The following SYN3 variants were observed in gnomAD, a reference collection of about 807,000 sequenced individuals.
SYN3 encodes the protein synapsin-3.
In SYN3, 35 loss-of-function variants were observed where a neutral mutation model predicts 65.8. The observed-to-expected ratio is 0.53, with a 90% CI of 0.41 to 0.70. SYN3 has a LOEUF of 0.70. Among genes scored for constraint, SYN3 ranks in the 30% least tolerant of loss-of-function variants. SYN3 has a pLI of 0.00. For synonymous variants in SYN3, 270 were observed against 292.9 expected (o/e 0.92, Z 0.80); for missense variants, 680 against 749.0 (o/e 0.91, Z 1.08).
At chr22:32,996,155 C>G (rs2052873656) in intron 2 of SYN3, among the ~76,000 whole-genome samples, 3 of 152,270 alleles carry the variant, frequency 2.0e-5, no homozygotes, top group African/African-American at 2.4e-5. Context: ...GCAAGAGTAT[C>G]CATTCATTCC....
intron 6 of SYN3, chr22:32,785,029 T>C (rs1442948962): frequency 6.6e-6 from 1 of 152,086 alleles, no homozygotes; most frequent in Non-Finnish European, 1.5e-5. Context: ...TCTGTTTTCC[T>C]TCCTAATTCT....
intron 6 of SYN3, among the ~76,000 whole-genome samples, chr22:32,599,353 G>T (rs186444317): frequency 6.7e-6 from 1 of 149,832 alleles, no homozygotes; most frequent in Admixed American, 6.7e-5. Flanking sequence ...GCAGAGTCTC[G>T]CTTTGTCGCT....
chr22:32,812,272 G>T (rs965132109), intron 6 of SYN3, among the ~76,000 whole-genome samples: 1 of 152,174 alleles, frequency 6.6e-6, no homozygotes, highest in African/African-American at 2.4e-5. Flanking sequence ...AGGTAACTTT[G>T]TTAGAAATAT....
At chr22:32,586,032 A>ATG in intron 7 of SYN3, among the ~76,000 whole-genome samples, 1 of 102,080 alleles carries the variant, frequency 9.8e-6, no homozygotes, top group African/African-American at 5.9e-5. Context: ...GTATGTATGT[A>ATG]TATATGTATA....
intron 2 of SYN3, among the ~76,000 whole-genome samples, chr22:32,992,979 C>CTTT (rs759774633): frequency 7.9e-5 from 12 of 152,168 alleles, no homozygotes; most frequent in Non-Finnish European, 1.8e-4. Context: ...AGCAAGCCTT[C>CTTT]TTTTTGTGCA....
intron 6 of SYN3, among the ~76,000 whole-genome samples, chr22:32,705,242 G>C (rs1282456883): frequency 6.6e-6 from 1 of 152,136 alleles, no homozygotes; most frequent in African/African-American, 2.4e-5. Context: ...TATGGTGTAA[G>C]GAAGGGGTCC....
Position 32,577,510 on chromosome 22 carries a change from CACTT to C in SYN3, c.774+19160_774+19163del, listed in dbSNP as rs367954285. On this transcript the variant is annotated intron_variant, in intron 7 of 13. Transcript: ENST00000358763. ...GTTGTCTAAGTACAGCGTCTACACA[CACTT>C]ACATGTTTTTTTGATAAATGAAAAT... 7.4e-4 allele frequency among the ~76,000 whole-genome samples: 113 copies of C among 152,330 alleles called. 1 individual carries two copies. In the Middle Eastern group the frequency reaches 0.01, roughly 14 times the overall value.
At chr22:32,919,371 T>C (rs1293786585) in intron 4 of SYN3, among the ~76,000 whole-genome samples, 1 of 152,222 alleles carries the variant, frequency 6.6e-6, no homozygotes, top group African/African-American at 2.4e-5. Flanking sequence ...TTGATTGTTT[T>C]CTGCAACTCT....
intron 11 of SYN3, among the ~76,000 whole-genome samples, 180 bp downstream of exon 11, chr22:32,528,694 C>T (rs1228336246): frequency 2.6e-5 from 4 of 152,204 alleles, no homozygotes; most frequent in African/African-American, 9.7e-5. Flanking sequence ...CCTCAATTCA[C>T]TTACTGGGGC....
intron 6 of SYN3, among the ~76,000 whole-genome samples, chr22:32,756,715 T>G (rs1419525523): frequency 6.6e-6 from 1 of 152,160 alleles, no homozygotes; most frequent in Admixed American, 6.5e-5. Flanking sequence ...TAGCCACCTC[T>G]CTCACCATGT....
At chr22:32,881,114 G>A (rs1198386808) in intron 4 of SYN3, among the ~76,000 whole-genome samples, 4 of 135,950 alleles carry the variant, frequency 2.9e-5, no homozygotes, top group Admixed American at 7.5e-5. Context: ...GCTGCTGCTC[G>A]GGGAAGGGGA....
chr22:33,044,150 A>G (rs5998705), intron 1 of SYN3, among the ~76,000 whole-genome samples: 42,686 of 152,052 alleles, frequency 0.28, 7,235 homozygotes, highest in East Asian at 0.51. Context: ...AGCATGCTCG[A>G]AAAGTGGGCA....
chr22:32,965,722 G>A (rs2051814711), intron 3 of SYN3, among the ~76,000 whole-genome samples: 1 of 152,084 alleles, frequency 6.6e-6, no homozygotes. Flanking sequence ...TTATGATGGA[G>A]TCTCGCTCTT....
intron 3 of SYN3, among the ~76,000 whole-genome samples, chr22:32,965,691 GTT>G (rs1379354918): frequency 2.0e-5 from 3 of 151,436 alleles, no homozygotes; most frequent in Non-Finnish European, 4.4e-5. Context: ...TGGCTTTTTC[GTT>G]GTTGTTGTTG....
chr22:32,687,463 G>A (rs936722388), intron 6 of SYN3, among the ~76,000 whole-genome samples: 6 of 151,740 alleles, frequency 4.0e-5, no homozygotes, highest in South Asian at 2.1e-4. Context: ...ACGCCCGGCC[G>A]GTCTCCCTTT....
At chr22:32,771,247 T>C (rs539124374) in intron 6 of SYN3, among the ~76,000 whole-genome samples, 4 of 152,342 alleles carry the variant, frequency 2.6e-5, no homozygotes, top group Admixed American at 2.6e-4. Context: ...CTCATTCTTT[T>C]TTATGGCTGC....
intron 6 of SYN3, among the ~76,000 whole-genome samples, chr22:32,834,494 G>T (rs1176533055): frequency 1.3e-5 from 2 of 152,078 alleles, no homozygotes; most frequent in African/African-American, 4.8e-5. Flanking sequence ...CCTCCCATGG[G>T]CAGGCAGAGT....
At chr22:32,586,731 G>A (rs2059049155) in intron 7 of SYN3, among the ~76,000 whole-genome samples, 2 of 152,054 alleles carry the variant, frequency 1.3e-5, no homozygotes, top group Non-Finnish European at 2.9e-5. Flanking sequence ...TTCATTTTGG[G>A]GCTACAAAGG....
At chr22:32,745,736 A>G (rs1239190319) in intron 6 of SYN3, among the ~76,000 whole-genome samples, 1 of 152,200 alleles carries the variant, frequency 6.6e-6, no homozygotes, top group African/African-American at 2.4e-5. Flanking sequence ...AGAGCAGAGA[A>G]AAACACAGAG....
Sources: allele counts gnomAD v4.1 joint callset (sites outside exome capture counted in the v4.1 genomes callset), GRCh38; gene constraint gnomAD v4.1.1; transcripts MANE v1.5; gene names NCBI Gene and HGNC (gene_info 2026-07-23, HGNC 2026-07-21).